CTSW: variants seen among roughly 807,000 people sequenced by gnomAD.
CTSW encodes the protein cathepsin W, also known as lymphopain.
Under a neutral mutation model 43.8 loss-of-function variants are expected in CTSW, and 42 were observed. That is an observed-to-expected ratio of 0.96 (90% CI 0.75 to 1.24). CTSW has a LOEUF of 1.24. Ranked by LOEUF, CTSW falls within the 50% of genes most tolerant of loss-of-function variation. The pLI, the probability that CTSW is intolerant of heterozygous loss-of-function variation, is 0.00. For synonymous variants in CTSW, 191 were observed against 184.8 expected, an observed-to-expected ratio of 1.03 and a Z score of -0.27; for missense variants, 475 against 479.9, an observed-to-expected ratio of 0.99 and a Z score of 0.09.
At chr11:65,880,161 C>T in intron 1 of CTSW, 41 bp from the exon 2 acceptor site, 2 of 1,566,702 alleles carry the variant, frequency 1.3e-6, no homozygotes, top group South Asian at 1.1e-5. Flanking sequence ...AGCAATGATT[C>T]CTCTGCCCAC....
At chr11:65,882,092 T>C in intron 3 of CTSW, 83 bp from the exon 4 acceptor site, 3 of 1,535,080 alleles carry the variant, frequency 2.0e-6, no homozygotes, top group Non-Finnish European at 1.8e-6. Context: ...CAGGGAATTA[T>C]GGGACCAACA....
intron 2 of CTSW, chr11:65,880,605 G>A (rs1465166104): frequency 1.1e-5 from 3 of 269,386 alleles, no homozygotes; most frequent in Admixed American, 5.1e-5. Flanking sequence ...ACAGGTGTAA[G>A]CCACGGAGCC....
At chr11:65,880,018 C>A in intron 1 of CTSW, 77 bp downstream of exon 1, 1 of 1,381,316 alleles carries the variant, frequency 7.2e-7, no homozygotes, top group Non-Finnish European at 1.0e-6. Context: ...GCCTGTCATT[C>A]TCATTTTTCA....
chr11:65,883,299 G>A lies in CTSW; in HGVS notation c.895G>A (p.Gly299Ser). 6.2e-7 allele frequency: 1 copy of A among 1,614,050 alleles called. No individual in the cohort carries two copies. Among genetic ancestry groups the A allele is most frequent in the Non-Finnish European group, 8.5e-7 (1 of 1,180,004 alleles). Residue 299 changes from glycine (G) to serine (S), a missense_variant, in exon 9 of 10, where the codon GGC becomes AGC. By Grantham distance (56) the Gly-to-Ser change is moderately conservative. Coordinates refer to ENST00000307886, the MANE Select transcript of CTSW (RefSeq NM_001335.4). ...VDHSVLLVGF[G>S]SVKSEEGIWA... Reference sequence around the variant, plus strand: ...CCACTCTGTCCTGCTGGTGGGTTTTGGCAGCGTCAAGTCAGAGGAGGGGAT... The same window carrying A: ...CCACTCTGTCCTGCTGGTGGGTTTTAGCAGCGTCAAGTCAGAGGAGGGGAT...
Position 65,880,221 on chromosome 11 carries a change from T to C in CTSW, c.107T>C (p.Leu36Pro), listed in dbSNP as rs2134762532. The change falls in exon 2 of 10, where the codon CTA becomes CCA. Residue 36 changes from leucine to proline, a missense_variant. Physicochemically the swap from Leu to Pro is moderately conservative, Grantham distance 98. Coordinates refer to ENST00000307886, the MANE Select transcript of CTSW (RefSeq NM_001335.4). ...TGCCAGGACCTAGGTCCCCAGCCGC[T>C]AGAGCTGAAAGAGGCCTTCAAGTTG... ...LRAQDLGPQP[L>P]ELKEAFKLFQ... 8 of 1,614,140 alleles carry C rather than the reference T, an allele frequency of 5.0e-6. No homozygotes were observed. The highest frequency in any genetic ancestry group is 1.1e-5 in the South Asian group (1 of 91,086).
In CTSW at chr11:65,882,281, C is replaced by A; in HGVS notation, c.393C>A (p.Ser131Arg). The A allele has an allele frequency of 9.9e-6, 16 of 1,614,186 alleles. No homozygotes were observed. The highest frequency in any genetic ancestry group is 1.4e-5 in the Non-Finnish European group (16 of 1,180,028). The change falls in exon 4 of 10, where the codon AGC (serine) becomes AGA (arginine). Residue 131 changes from serine to arginine, a missense_variant. Coordinates refer to ENST00000307886, the MANE Select transcript of CTSW (RefSeq NM_001335.4). ...SEEPEESVPFSCDWRKVASAI... is the reference protein window; with the variant it reads ...SEEPEESVPFRCDWRKVASAI... ...AGCCAGAGGAGTCAGTACCTTTCAGCTGTGACTGGCGGAAGGTGGCCAGCG... is the reference window on the plus strand; with the variant it reads ...AGCCAGAGGAGTCAGTACCTTTCAGATGTGACTGGCGGAAGGTGGCCAGCG...
chr11:65,883,477 C>T lies in CTSW; in HGVS notation c.1021-31C>T, dbSNP rs748162912. ...CAAGGCAGAACAGGCCTCTTCCCACCTTCCCGCCCCTATGTCCCCTAACCT... is the reference window on the plus strand; with the variant it reads ...CAAGGCAGAACAGGCCTCTTCCCACTTTCCCGCCCCTATGTCCCCTAACCT... On this transcript the variant is annotated intron_variant, in intron 9 of 9. Transcript: ENST00000307886. The T allele has an allele frequency of 3.1e-6, 5 of 1,611,634 alleles. No homozygotes were observed. In the South Asian group the frequency reaches 5.5e-5, roughly 18 times the overall value.
rs1346863658 is a variant in CTSW, at chr11:65,883,440, T to TGGGG, written c.1020+18_1020+21dup. The TGGGG allele has an allele frequency of 6.2e-7, 1 of 1,613,896 alleles. No individual in the cohort carries two copies. Among genetic ancestry groups the TGGGG allele is most frequent in the Non-Finnish European group, 8.5e-7 (1 of 1,179,882 alleles). On this transcript the variant is annotated intron_variant, in intron 9 of 9. Coordinates refer to ENST00000307886, the MANE Select transcript of CTSW (RefSeq NM_001335.4). ...GGGAGAGAAGGTGAGTGTGATCTAT[T>TGGGG]GGGGGAGGGGGCAAGGCAGAACAGG...
At position 65,882,347 on chromosome 11, in the gene CTSW, G is replaced by T; in HGVS notation, c.441+18G>T. The T allele has an allele frequency of 6.2e-7, 1 of 1,614,070 alleles. No individual in the cohort carries two copies. The highest frequency in any genetic ancestry group is 8.5e-7 in the Non-Finnish European group (1 of 1,179,980). ...AGGACCAGGTATCTGCCGCTACCCAGCTGGCTCTAATTCAGCTAAGTGGTG... is the reference window on the plus strand; with the variant it reads ...AGGACCAGGTATCTGCCGCTACCCATCTGGCTCTAATTCAGCTAAGTGGTG... On this transcript the variant is annotated intron_variant, in intron 4 of 9. Coordinates refer to ENST00000307886, the MANE Select transcript of CTSW (RefSeq NM_001335.4).
chr11:65,881,364 A>G, intron 2 of CTSW, 43 bp from the exon 3 acceptor site: 1 of 1,427,286 alleles, frequency 7.0e-7, no homozygotes. Context: ...TCCTGCCCCT[A>G]AGGGCTTGGG....
rs541113053 is a variant in CTSW at position 65,883,254 on chromosome 11, T to G, written c.850T>G (p.Cys284Gly). The G allele has an allele frequency of 6.2e-7, 1 of 1,613,704 alleles. No homozygotes were observed. The highest frequency in any genetic ancestry group is 1.7e-5 in the Admixed American group (1 of 59,988). Residue 284 changes from cysteine (C) to glycine (G), a missense_variant, in exon 9 of 10, where the codon TGT becomes GGT. By Grantham distance (159) the Cys-to-Gly change is radical. Coordinates refer to ENST00000307886, the MANE Select transcript of CTSW (RefSeq NM_001335.4). Reference sequence around the variant, plus strand: ...TGTGATCAAGGCCACACCCACCACCTGTGACCCCCAGCTTGTGGACCACTC... The same window carrying G: ...TGTGATCAAGGCCACACCCACCACCGGTGACCCCCAGCTTGTGGACCACTC... ...KGVIKATPTT[C>G]DPQLVDHSVL...
chr11:65,881,546 G>A (rs1363494223), intron 3 of CTSW, 26 bp downstream of exon 3: 2 of 1,523,386 alleles, frequency 1.3e-6, no homozygotes, highest in Non-Finnish European at 1.8e-6. Context: ...CTGGCTCGTA[G>A]GTGGTGGTTG....
At position 65,881,531 on chromosome 11, in the gene CTSW, C is replaced by A. The variant is rs7122964; in HGVS notation, c.286+11C>A. On this transcript the variant is annotated intron_variant, in intron 3 of 9. Coordinates refer to ENST00000307886, the MANE Select transcript of CTSW (RefSeq NM_001335.4). ...TCAGTGACCTCACAGGTACCATTAACCCTTCTGGCTCGTAGGTGGTGGTTG... is the reference window on the plus strand; with the variant it reads ...TCAGTGACCTCACAGGTACCATTAAACCTTCTGGCTCGTAGGTGGTGGTTG... 4.4e-6 allele frequency: 7 copies of A among 1,577,288 alleles called. No individual in the cohort carries two copies. In the Admixed American group the frequency reaches 5.3e-5, roughly 12 times the overall value.
intron 2 of CTSW, 156 bp downstream of exon 2, chr11:65,880,442 C>T (rs1253457430): frequency 1.1e-5 from 6 of 544,020 alleles, no homozygotes; most frequent in Non-Finnish European, 3.3e-6. Context: ...CTGCTTCAGC[C>T]TCTGAGTAGC....
intron 7 of CTSW, 36 bp downstream of exon 7, chr11:65,882,940 G>A (rs766310987): frequency 2.9e-5 from 46 of 1,612,980 alleles, no homozygotes; most frequent in Non-Finnish European, 3.6e-5. Flanking sequence ...GGATGGCAGG[G>A]ACAGACACCG....
In CTSW at chr11:65,883,052, G is replaced by C; in HGVS notation, c.746-17G>C. ...CACACCCACATGCCAAGGGTCTGAT[G>C]ATGTTCCTGTCCCCAGGAATTGCGC... On this transcript the variant is annotated splice_polypyrimidine_tract_variant and intron_variant, in intron 7 of 9. Transcript: ENST00000307886. 8 of 1,614,080 alleles carry C rather than the reference G, an allele frequency of 5.0e-6. No homozygotes were observed. Among genetic ancestry groups the C allele is most frequent in the Non-Finnish European group, 6.8e-6 (8 of 1,179,996 alleles).
rs778980295 is a variant in CTSW, at chr11:65,883,533, G to C, written c.1046G>C (p.Ser349Thr). ...EKGYFRLHRG[S>T]NTCGITKFPL... ...GGCTATTTCCGGCTGCACCGAGGGAGCAATACCTGTGGCATCACCAAGTTC... is the reference window on the plus strand; with the variant it reads ...GGCTATTTCCGGCTGCACCGAGGGACCAATACCTGTGGCATCACCAAGTTC... Residue 349 changes from serine to threonine, a missense_variant, in exon 10 of 10, where the codon AGC becomes ACC. Physicochemically the swap from Ser to Thr is moderately conservative, Grantham distance 58 (BLOSUM62 1). Transcript: ENST00000307886. 3 of 1,613,938 alleles carry C rather than the reference G, an allele frequency of 1.9e-6. No individual in the cohort carries two copies. In the East Asian group the frequency reaches 6.7e-5, roughly 36 times the overall value.
Position 65,883,690 on chromosome 11 carries a change from GC to G in CTSW, c.*75del. On this transcript the variant is annotated 3_prime_UTR_variant, in exon 10 of 10. Transcript: ENST00000307886. ...TTGCCAGCCCCACCCCCAGGTTTTT[GC>G]CCATCCTCCCAATCTCAATACAGCC... 1.4e-6 allele frequency: 2 copies of G among 1,408,878 alleles called. No homozygotes were observed. The highest frequency in any genetic ancestry group is 2.0e-6 in the Non-Finnish European group (2 of 1,005,408). 87.3% of individuals were successfully genotyped at this position (1,408,878 alleles called of 1,614,324 possible). A position where few individuals can be genotyped will look rare whatever the true frequency, so the allele number is the denominator to read the frequency against.
chr11:65,880,314 C>A, intron 2 of CTSW, 28 bp downstream of exon 2: 1 of 1,553,660 alleles, frequency 6.4e-7, no homozygotes, highest in South Asian at 1.2e-5. Context: ...CATCTCCAGT[C>A]CAAGCCCCCA....
Sources: allele counts gnomAD v4.1 joint callset, GRCh38; gene constraint gnomAD v4.1.1; transcripts MANE v1.5; gene names NCBI Gene and HGNC (gene_info 2026-07-23, HGNC 2026-07-21).